The following CSMD1 variants were observed in gnomAD, a reference collection of about 807,000 sequenced individuals.
CSMD1 encodes the protein CUB and Sushi multiple domains 1, also known as CUB and sushi domain-containing protein 1.
A neutral mutation model predicts 417.5 loss-of-function variants in CSMD1; 213 were observed. The ratio of observed to expected loss-of-function variants is 0.51; its 90% CI spans 0.46 to 0.57. The LOEUF (loss-of-function observed/expected upper bound fraction) is 0.57. Ranked by LOEUF, CSMD1 falls within the 20% of genes least tolerant of loss-of-function variation. CSMD1 has a pLI of 0.00. For synonymous variants in CSMD1, 2,862 were observed against 1,736.8 expected (o/e 1.65, Z -16.11); for missense variants, 6,923 against 4,529.7 (o/e 1.53, Z -15.17).
At chr8:4,643,070 T>C (rs976266908) in intron 1 of CSMD1, among the ~76,000 whole-genome samples, 2 of 152,190 alleles carry the variant, frequency 1.3e-5, no homozygotes, top group African/African-American at 2.4e-5. Flanking sequence ...AAAGCGTATA[T>C]AGATTTGTGT....
At chr8:4,010,427 A>G (rs73658530) in intron 4 of CSMD1, among the ~76,000 whole-genome samples, 2 of 152,232 alleles carry the variant, frequency 1.3e-5, no homozygotes, top group African/African-American at 4.8e-5. Flanking sequence ...GGTCATTTCA[A>G]TGTCAACACA....
chr8:4,192,537 G>C (rs1799089711), intron 3 of CSMD1, among the ~76,000 whole-genome samples: 1 of 152,080 alleles, frequency 6.6e-6, no homozygotes, highest in Non-Finnish European at 1.5e-5. Flanking sequence ...TTCAGCAACA[G>C]GGGCTTTTAT....
intron 3 of CSMD1, among the ~76,000 whole-genome samples, chr8:4,318,759 C>A (rs942148879): frequency 6.7e-6 from 1 of 148,810 alleles, no homozygotes; most frequent in East Asian, 2.0e-4. Context: ...ACAGATCAAC[C>A]AATAGATACC....
In CSMD1 at chr8:3,625,551, C is replaced by T. The variant is rs572249473; in HGVS notation, c.1010-8754G>A. Among the ~76,000 whole-genome samples the T allele has an allele frequency of 2.4e-4, 37 of 152,182 alleles. No individual in the cohort carries two copies. In the South Asian group the frequency reaches 7.7e-3, roughly 32 times the overall value. On this transcript the variant is annotated intron_variant, in intron 7 of 69. Coordinates refer to ENST00000635120, the MANE Select transcript of CSMD1 (RefSeq NM_033225.6). ...GTTCTCTGGTCTCTAACTCAACTGC[C>T]ATGGTCTTAAATCAAGCTCTCTTTT...
intron 43 of CSMD1, 84 bp from the exon 44 acceptor site, chr8:3,108,832 T>A (rs1563052829): frequency 7.3e-7 from 1 of 1,371,652 alleles, no homozygotes; most frequent in Admixed American, 2.6e-5. Flanking sequence ...TGAATTAATT[T>A]TTTTAATAAA....
rs1374696248 is a variant in CSMD1, at chr8:3,163,670, C to G, written c.5726-1393G>C. Among the ~76,000 whole-genome samples, 4 of 151,610 alleles carry G rather than the reference C, an allele frequency of 2.6e-5. No homozygotes were observed. In the South Asian group the frequency reaches 6.2e-4, roughly 24 times the overall value. On this transcript the variant is annotated intron_variant, in intron 37 of 69. Coordinates refer to ENST00000635120, the MANE Select transcript of CSMD1 (RefSeq NM_033225.6). ...GATAAAATGATTAAGAACTTCAAAA[C>G]CAGCGGCCACCAAGCACGAGACCCA...
At chr8:3,262,509 C>T (rs189460252) in intron 26 of CSMD1, among the ~76,000 whole-genome samples, 118 of 148,970 alleles carry the variant, frequency 7.9e-4, no homozygotes, top group South Asian at 7.7e-3. Flanking sequence ...ATCCAAGAGG[C>T]GCTATAAATG....
At chr8:4,982,211 G>A (rs2924719) in intron 1 of CSMD1, among the ~76,000 whole-genome samples, 94,604 of 152,038 alleles carry the variant, frequency 0.62, 30,073 homozygotes, top group African/African-American at 0.7. Flanking sequence ...AAACTATCAG[G>A]TAATGCATGT....
chr8:3,942,912 T>C (rs1021588410), intron 5 of CSMD1, among the ~76,000 whole-genome samples: 1 of 152,176 alleles, frequency 6.6e-6, no homozygotes, highest in Non-Finnish European at 1.5e-5. Context: ...TACTTTTTTT[T>C]GTCTTTTAAT....
intron 3 of CSMD1, among the ~76,000 whole-genome samples, chr8:4,376,729 G>T (rs1318812401): frequency 1.3e-5 from 2 of 152,086 alleles, no homozygotes; most frequent in Admixed American, 6.6e-5. Context: ...ATTTTAACTT[G>T]CACTGCTTTA....
intron 4 of CSMD1, among the ~76,000 whole-genome samples, chr8:4,008,962 A>G (rs964551298): frequency 4.6e-5 from 7 of 152,140 alleles, no homozygotes; most frequent in South Asian, 2.1e-4. Flanking sequence ...CAAAGAGTTA[A>G]TGTTTACAAA....
intron 68 of CSMD1, 25 bp downstream of exon 68, chr8:2,949,274 A>G: frequency 7.4e-7 from 1 of 1,350,180 alleles, no homozygotes. Flanking sequence ...TATTTGCTTT[A>G]AAATATATCC....
chr8:4,907,514 T>C (rs1206282984), intron 1 of CSMD1, among the ~76,000 whole-genome samples: 4 of 86,474 alleles, frequency 4.6e-5, no homozygotes, highest in Admixed American at 1.5e-4. Context: ...TAGAATTAAA[T>C]GGAAAAAAAA....
At chr8:3,536,623 C>G (rs898274663) in intron 10 of CSMD1, among the ~76,000 whole-genome samples, 2 of 152,132 alleles carry the variant, frequency 1.3e-5, no homozygotes, top group East Asian at 1.9e-4. Context: ...AACGGTAATT[C>G]AGAAGTGTGA....
At chr8:3,787,186 A>T (rs1666618793) in intron 5 of CSMD1, among the ~76,000 whole-genome samples, 1 of 152,194 alleles carries the variant, frequency 6.6e-6, no homozygotes, top group Non-Finnish European at 1.5e-5. Flanking sequence ...AGAAAGGAAA[A>T]AATGTCCAGA....
At chr8:3,798,317 T>A (rs6987621) in intron 5 of CSMD1, among the ~76,000 whole-genome samples, 4 of 151,834 alleles carry the variant, frequency 2.6e-5, no homozygotes, top group South Asian at 2.1e-4. Context: ...TTCGTCTATC[T>A]TAAGACAACT....
At chr8:3,792,795 T>C (rs539654672) in intron 5 of CSMD1, among the ~76,000 whole-genome samples, 5 of 152,328 alleles carry the variant, frequency 3.3e-5, no homozygotes, top group South Asian at 4.1e-4. Context: ...ATTTAAGGCA[T>C]ATATTGATAA....
At chr8:4,922,263 G>C (rs1393847497) in intron 1 of CSMD1, among the ~76,000 whole-genome samples, 1 of 152,128 alleles carries the variant, frequency 6.6e-6, no homozygotes, top group Non-Finnish European at 1.5e-5. Context: ...TACGTACACT[G>C]AATGTGTTGT....
chr8:4,228,714 A>T (rs1162714234), intron 3 of CSMD1, among the ~76,000 whole-genome samples: 1 of 150,518 alleles, frequency 6.6e-6, no homozygotes, highest in Non-Finnish European at 1.5e-5. Context: ...GATGGAGTCT[A>T]CCTCTGTCAC....
Sources: allele counts gnomAD v4.1 joint callset (sites outside exome capture counted in the v4.1 genomes callset), GRCh38; gene constraint gnomAD v4.1.1; transcripts MANE v1.5; gene names NCBI Gene and HGNC (gene_info 2026-07-23, HGNC 2026-07-21).